The following KIAA1328 variants were observed in gnomAD, a reference collection of about 807,000 sequenced individuals.
KIAA1328 encodes protein hinderin.
KIAA1328 carries 52 observed loss-of-function variants against 68.1 expected under a neutral mutation model. The ratio of observed to expected loss-of-function variants is 0.76; its 90% CI spans 0.61 to 0.96. The LOEUF (loss-of-function observed/expected upper bound fraction) is 0.96, where lower values mean the gene tolerates loss of function less well. Among genes scored for constraint, KIAA1328 ranks in the 40% least tolerant of loss-of-function variants. KIAA1328 has a pLI of 0.00. For synonymous variants in KIAA1328, 232 were observed against 239.4 expected (o/e 0.97, Z 0.28); for missense variants, 641 against 677.6 (o/e 0.95, Z 0.60).
intron 5 of KIAA1328, among the ~76,000 whole-genome samples, chr18:36,892,300 C>T (rs1306557377): frequency 6.6e-6 from 1 of 151,998 alleles, no homozygotes; most frequent in Non-Finnish European, 1.5e-5. Context: ...GAAGAGAAGG[C>T]AGATGTTCTA....
chr18:36,952,516 T>G (rs918050672), intron 5 of KIAA1328, among the ~76,000 whole-genome samples: 1 of 152,168 alleles, frequency 6.6e-6, no homozygotes, highest in Non-Finnish European at 1.5e-5. Context: ...TGAGGTGAGG[T>G]AGATATTATC....
intron 4 of KIAA1328, among the ~76,000 whole-genome samples, chr18:36,879,493 A>G (rs1026277257): frequency 4.6e-5 from 7 of 152,194 alleles, no homozygotes; most frequent in African/African-American, 1.7e-4. Context: ...GTCAGGAGGC[A>G]TGGGGGTCAG....
chr18:36,882,592 T>A (rs984321249), intron 4 of KIAA1328, among the ~76,000 whole-genome samples: 1 of 152,172 alleles, frequency 6.6e-6, no homozygotes, highest in African/African-American at 2.4e-5. Context: ...TTCCAGGGCT[T>A]AATAATTGCT....
At chr18:37,113,149 A>C (rs2057987228) in intron 7 of KIAA1328, among the ~76,000 whole-genome samples, 1 of 152,206 alleles carries the variant, frequency 6.6e-6, no homozygotes, top group Non-Finnish European at 1.5e-5. Context: ...AATTCAGGAA[A>C]TACAGAGAAT....
In KIAA1328 at chr18:36,981,217, C is replaced by G. The variant is rs117918130; in HGVS notation, c.576+21782C>G. On this transcript the variant is annotated intron_variant, in intron 6 of 9. Transcript: ENST00000280020. ...TGTCCTAGTCATGGAAAATAAATAG[C>G]TCTAGGCTGAGCACCTCTCCACACT... Among the ~76,000 whole-genome samples, 4 of 152,220 alleles carry G rather than the reference C, an allele frequency of 2.6e-5. No individual in the cohort carries two copies. The East Asian group carries it at 7.7e-4, about 29-fold the overall frequency.
intron 6 of KIAA1328, among the ~76,000 whole-genome samples, chr18:37,001,088 A>C (rs1269965603): frequency 6.6e-6 from 1 of 151,954 alleles, no homozygotes; most frequent in Non-Finnish European, 1.5e-5. Context: ...TGAAAAGTGG[A>C]TTTTTAAAAA....
chr18:37,202,452 A>T (rs1003134180), intron 9 of KIAA1328, among the ~76,000 whole-genome samples: 4 of 152,312 alleles, frequency 2.6e-5, no homozygotes, highest in Admixed American at 6.5e-5. Context: ...ACAAACTTGT[A>T]TTCAAGAGTA....
At chr18:36,850,557 A>T (rs1240821146) in intron 4 of KIAA1328, among the ~76,000 whole-genome samples, 1 of 152,160 alleles carries the variant, frequency 6.6e-6, no homozygotes, top group Non-Finnish European at 1.5e-5. Flanking sequence ...AGTTAGGCAC[A>T]GTAGGGGATT....
At chr18:37,211,485 CTA>C (rs1391945884) in intron 9 of KIAA1328, among the ~76,000 whole-genome samples, 1 of 152,170 alleles carries the variant, frequency 6.6e-6, no homozygotes, top group Non-Finnish European at 1.5e-5. Context: ...CACTTGCATG[CTA>C]TGGAAAGCCT....
intron 4 of KIAA1328, among the ~76,000 whole-genome samples, chr18:36,883,615 A>G (rs1432112270): frequency 6.6e-6 from 1 of 152,170 alleles, no homozygotes. Context: ...CATCATACCC[A>G]TAGGGTAATG....
intron 5 of KIAA1328, among the ~76,000 whole-genome samples, chr18:36,925,489 G>A (rs9944700): frequency 0.012 from 1,838 of 151,666 alleles, 40 homozygotes; most frequent in African/African-American, 0.042. Flanking sequence ...ACAGATCATT[G>A]TTGAAACTAA....
chr18:37,096,985 G>A lies in KIAA1328; in HGVS notation c.1232+29440G>A, dbSNP rs186022528. The stretch of plus-strand genomic sequence containing the variant: ...GATTCTGGATATTAGCCCTTTCTCA[G>A]ATGAGTAGATTGCAAAAATTTTCTC... On this transcript the variant is annotated intron_variant, in intron 7 of 9. Coordinates refer to ENST00000280020, the MANE Select transcript of KIAA1328 (RefSeq NM_020776.3). Among the ~76,000 whole-genome samples, 6 of 151,996 alleles carry A rather than the reference G, an allele frequency of 3.9e-5. No individual in the cohort carries two copies. In the East Asian group the frequency reaches 7.8e-4, roughly 20 times the overall value.
At chr18:36,882,556 TA>T (rs2048358356) in intron 4 of KIAA1328, among the ~76,000 whole-genome samples, 1 of 152,162 alleles carries the variant, frequency 6.6e-6, no homozygotes, top group African/African-American at 2.4e-5. Flanking sequence ...TCTTTGTTCT[TA>T]ATACAGTTTG....
intron 5 of KIAA1328, among the ~76,000 whole-genome samples, chr18:36,922,805 G>C (rs1253265767): frequency 6.6e-6 from 1 of 152,084 alleles, no homozygotes; most frequent in East Asian, 1.9e-4. Flanking sequence ...AGATATTCGA[G>C]TTTCATTTTT....
chr18:36,879,449 G>A (rs1042732665), intron 4 of KIAA1328, among the ~76,000 whole-genome samples: 1 of 151,936 alleles, frequency 6.6e-6, no homozygotes, highest in African/African-American at 2.4e-5. Context: ...CCTATATGAG[G>A]TGTCTGTCAA....
intron 9 of KIAA1328, among the ~76,000 whole-genome samples, chr18:37,210,640 TC>T (rs1175259212): frequency 6.6e-6 from 1 of 152,214 alleles, no homozygotes; most frequent in Non-Finnish European, 1.5e-5. Context: ...CTTTATAGTC[TC>T]CTATCACATG....
intron 7 of KIAA1328, among the ~76,000 whole-genome samples, chr18:37,110,711 A>G (rs774587614): frequency 2.6e-5 from 4 of 152,194 alleles, no homozygotes; most frequent in Non-Finnish European, 5.9e-5. Context: ...AGTTTATGTG[A>G]AGATAGATGA....
At chr18:36,994,491 G>A (rs1406778951) in intron 6 of KIAA1328, among the ~76,000 whole-genome samples, 1 of 152,160 alleles carries the variant, frequency 6.6e-6, no homozygotes, top group Non-Finnish European at 1.5e-5. Flanking sequence ...TGATCCTGAT[G>A]TGAACCCTAG....
At chr18:36,858,655 T>G (rs1452963314) in intron 4 of KIAA1328, among the ~76,000 whole-genome samples, 1 of 152,210 alleles carries the variant, frequency 6.6e-6, no homozygotes, top group Non-Finnish European at 1.5e-5. Flanking sequence ...TATATATAGC[T>G]TTCCTTGTTT....
Sources: gnomAD v4.1 joint callset for allele counts (sites outside exome capture counted in the v4.1 genomes callset) on GRCh38, gnomAD v4.1.1 for gene constraint, MANE v1.5 for transcripts, NCBI Gene and HGNC (gene_info 2026-07-23, HGNC 2026-07-21) for gene names.